The following EXOC4 variants were observed in gnomAD, a reference collection of about 807,000 sequenced individuals.
The protein encoded by EXOC4 is SEC8-like 1.
EXOC4 carries 71 observed loss-of-function variants against 107.2 expected under a neutral mutation model. The ratio of observed to expected loss-of-function variants is 0.66; its 90% CI spans 0.55 to 0.81. The LOEUF (loss-of-function observed/expected upper bound fraction) is 0.81. EXOC4 is among the 30% of genes least tolerant of loss of function. The pLI is 0.00. For missense variants in EXOC4, 1,108 were observed against 1,189.6 expected, an observed-to-expected ratio of 0.93 and a Z score of 1.01; for synonymous variants, 456 against 441.2, an observed-to-expected ratio of 1.03 and a Z score of -0.42.
intron 10 of EXOC4, among the ~76,000 whole-genome samples, chr7:133,642,695 C>A (rs895016789): frequency 3.9e-5 from 6 of 152,140 alleles, no homozygotes; most frequent in Non-Finnish European, 8.8e-5. Context: ...TCACTCCCCT[C>A]CTTCTTTGTG....
intron 10 of EXOC4, among the ~76,000 whole-genome samples, chr7:133,669,770 C>T (rs2151056215): frequency 6.6e-6 from 1 of 152,202 alleles, no homozygotes; most frequent in East Asian, 1.9e-4. Context: ...CTTCAGAGTC[C>T]CTTCCACTCA....
chr7:133,408,656 C>T (rs889452058), intron 7 of EXOC4, among the ~76,000 whole-genome samples: 10 of 152,058 alleles, frequency 6.6e-5, no homozygotes, highest in Non-Finnish European at 1.2e-4. Context: ...CTAATTTCAC[C>T]TACACCTCTG....
chr7:133,504,057 A>T (rs1241344188), intron 9 of EXOC4, among the ~76,000 whole-genome samples: 1 of 152,156 alleles, frequency 6.6e-6, no homozygotes, highest in Non-Finnish European at 1.5e-5. Context: ...ACGTGTACAA[A>T]TACAGTTCCC....
At chr7:133,642,075 A>G (rs1267495343) in intron 10 of EXOC4, among the ~76,000 whole-genome samples, 1 of 152,192 alleles carries the variant, frequency 6.6e-6, no homozygotes, top group Admixed American at 6.5e-5. Flanking sequence ...TGCAACTTCA[A>G]CATTCAGTGG....
chr7:133,441,781 A>G (rs1798109588), intron 7 of EXOC4, among the ~76,000 whole-genome samples: 1 of 152,204 alleles, frequency 6.6e-6, no homozygotes. Context: ...TGCAAATGAT[A>G]CAGTGGGGCT....
intron 10 of EXOC4, among the ~76,000 whole-genome samples, chr7:133,677,040 ATTC>A (rs1794078863): frequency 6.7e-6 from 1 of 150,162 alleles, no homozygotes; most frequent in African/African-American, 2.5e-5. Flanking sequence ...TCTGACAGTC[ATTC>A]TTATTTATGC....
At chr7:133,655,501 AC>A (rs1363786871) in intron 10 of EXOC4, among the ~76,000 whole-genome samples, 1 of 152,222 alleles carries the variant, frequency 6.6e-6, no homozygotes, top group Non-Finnish European at 1.5e-5. Flanking sequence ...GTACGGTGGT[AC>A]AAAAATATTT....
chr7:133,343,063 G>A (rs985354788), intron 5 of EXOC4, among the ~76,000 whole-genome samples: 29 of 152,074 alleles, frequency 1.9e-4, no homozygotes, highest in African/African-American at 7.0e-4. Context: ...TTGCTAGTGA[G>A]CTACTGTGAT....
chr7:133,619,248 C>T (rs1802269254), intron 9 of EXOC4, among the ~76,000 whole-genome samples: 1 of 152,166 alleles, frequency 6.6e-6, no homozygotes, highest in Admixed American at 6.5e-5. Context: ...TTACAGAGCA[C>T]TCGATCTCTC....
intron 9 of EXOC4, among the ~76,000 whole-genome samples, chr7:133,501,594 C>G (rs981121460): frequency 2.0e-5 from 3 of 152,118 alleles, no homozygotes; most frequent in African/African-American, 7.2e-5. Context: ...GACATTGTGA[C>G]AAGTGGACAT....
intron 10 of EXOC4, among the ~76,000 whole-genome samples, chr7:133,691,439 A>C (rs927798979): frequency 1.3e-5 from 2 of 152,220 alleles, no homozygotes; most frequent in Non-Finnish European, 2.9e-5. Context: ...ATACTTTGTA[A>C]TGTAATGCGT....
At chr7:133,462,719 TC>T (rs1721645472) in intron 7 of EXOC4, among the ~76,000 whole-genome samples, 1 of 152,060 alleles carries the variant, frequency 6.6e-6, no homozygotes, top group African/African-American at 2.4e-5. Context: ...CAGCTAACAT[TC>T]CCCATACTTG....
chr7:134,000,982 A>G (rs1585312525), intron 15 of EXOC4, among the ~76,000 whole-genome samples: 1 of 152,136 alleles, frequency 6.6e-6, no homozygotes, highest in East Asian at 1.9e-4. Context: ...CTGTTTTCCA[A>G]TCCAGCGCAG....
At chr7:133,350,858 T>G (rs998882001) in intron 5 of EXOC4, among the ~76,000 whole-genome samples, 4 of 152,028 alleles carry the variant, frequency 2.6e-5, no homozygotes, top group Non-Finnish European at 5.9e-5. Flanking sequence ...TTGTTTCCAT[T>G]AATTATAATT....
chr7:134,018,484 C>G (rs1226228957), intron 17 of EXOC4, among the ~76,000 whole-genome samples: 2 of 152,112 alleles, frequency 1.3e-5, no homozygotes, highest in Non-Finnish European at 2.9e-5. Context: ...CTGATCCAAA[C>G]AGAAAAAGAT....
chr7:134,068,758 G>T (rs1349318026), downstream of EXOC4, among the ~76,000 whole-genome samples: 2 of 152,136 alleles, frequency 1.3e-5, no homozygotes, highest in Non-Finnish European at 1.5e-5. Context: ...GAGCCCGACG[G>T]TCCTTATTTA....
chr7:133,282,689 G>A (rs975481247), intron 2 of EXOC4, among the ~76,000 whole-genome samples: 1 of 151,922 alleles, frequency 6.6e-6, no homozygotes, highest in Non-Finnish European at 1.5e-5. Flanking sequence ...GTAGTAGAGA[G>A]CATGATGTTT....
At chr7:133,990,705 C>T (rs555757206) in intron 14 of EXOC4, among the ~76,000 whole-genome samples, 9 of 152,298 alleles carry the variant, frequency 5.9e-5, no homozygotes, top group African/African-American at 1.2e-4. Flanking sequence ...CCACCCACCT[C>T]GGCCTCCTGA....
At chr7:134,093,311 G>A in the EXOC4 span, among the ~76,000 whole-genome samples, 62 of 151,976 alleles carry the variant, frequency 4.1e-4, no homozygotes, top group Non-Finnish European at 6.3e-4. Flanking sequence ...CCAACAACAG[G>A]AATAAAGGAC....
Sources: allele counts gnomAD v4.1 joint callset (sites outside exome capture counted in the v4.1 genomes callset), GRCh38; gene constraint gnomAD v4.1.1; transcripts MANE v1.5; gene names NCBI Gene and HGNC (gene_info 2026-07-23, HGNC 2026-07-21).